The following CNTN5 variants were observed in gnomAD, a reference collection of about 807,000 sequenced individuals.
The protein encoded by CNTN5 is contactin-5.
CNTN5 carries 77 observed loss-of-function variants against 129.1 expected under a neutral mutation model. That is an observed-to-expected ratio of 0.60 (90% CI 0.50 to 0.72). The LOEUF (loss-of-function observed/expected upper bound fraction) is 0.72, where lower values mean the gene tolerates loss of function less well. Among genes scored for constraint, CNTN5 ranks in the 30% least tolerant of loss-of-function variants. The probability of loss-of-function intolerance (pLI) is 0.00; values close to 1 mark genes in which losing one functional copy is unlikely to be tolerated. For missense variants in CNTN5, 1,478 were observed against 1,328.8 expected (o/e 1.11, Z -1.75); for synonymous variants, 509 against 465.6 (o/e 1.09, Z -1.20).
rs149225372 is a variant in CNTN5, at chr11:99,116,857, G to C, written c.-210+95587G>C. On this transcript the variant is annotated intron_variant, in intron 1 of 24. Coordinates refer to ENST00000524871, the MANE Select transcript of CNTN5 (RefSeq NM_014361.4). ...TCTGTTGAATTTTAATTGCTCATAG[G>C]GCATCCAAGTAAATAGAGTAAGCTG... 5.8e-4 allele frequency among the ~76,000 whole-genome samples: 89 copies of C among 152,170 alleles called. 1 individual carries two copies. The East Asian group carries it at 0.017, about 29-fold the overall frequency.
At chr11:99,715,782 C>A (rs1162775387) in intron 3 of CNTN5, among the ~76,000 whole-genome samples, 2 of 151,790 alleles carry the variant, frequency 1.3e-5, no homozygotes, top group African/African-American at 4.8e-5. Flanking sequence ...GACTCATGAT[C>A]TCTTTATTCT....
intron 2 of CNTN5, among the ~76,000 whole-genome samples, chr11:99,472,999 A>G (rs1250987863): frequency 4.6e-5 from 7 of 152,148 alleles, no homozygotes; most frequent in Non-Finnish European, 1.0e-4. Context: ...TATGTCTGAC[A>G]CCTACTATAA....
At chr11:99,585,579 A>T (rs1288215119) in intron 3 of CNTN5, among the ~76,000 whole-genome samples, 1 of 152,154 alleles carries the variant, frequency 6.6e-6, no homozygotes, top group Non-Finnish European at 1.5e-5. Flanking sequence ...TTATTTTTTC[A>T]GTATTGATTT....
At chr11:99,316,731 CAAA>C (rs559211939) in intron 1 of CNTN5, among the ~76,000 whole-genome samples, 1 of 128,200 alleles carries the variant, frequency 7.8e-6, no homozygotes. Context: ...TGAACTGAGT[CAAA>C]AAAAAAAAAA....
chr11:99,585,727 T>C (rs1949771979), intron 3 of CNTN5, among the ~76,000 whole-genome samples: 1 of 152,104 alleles, frequency 6.6e-6, no homozygotes, highest in African/African-American at 2.4e-5. Flanking sequence ...TTAAATGGGA[T>C]CGTAGACACT....
At position 99,225,141 on chromosome 11, in the gene CNTN5, A is replaced by C. The variant is rs184140931; in HGVS notation, c.-209-100205A>C. ...TTAAAGAGAACGAGCACAAATAAAA[A>C]ATGAAAGAGGTGTTACAAATGTATG... On this transcript the variant is annotated intron_variant, in intron 1 of 24. Coordinates refer to ENST00000524871, the MANE Select transcript of CNTN5 (RefSeq NM_014361.4). 2.5e-3 allele frequency among the ~76,000 whole-genome samples: 377 copies of C among 152,308 alleles called. 2 individuals are homozygous for C. Among genetic ancestry groups the C allele is most frequent in the African/African-American group, 8.7e-3 (361 of 41,560 alleles).
chr11:100,292,732 T>C (rs574104649), intron 18 of CNTN5, among the ~76,000 whole-genome samples: 8 of 152,098 alleles, frequency 5.3e-5, no homozygotes, highest in African/African-American at 1.4e-4. Flanking sequence ...TACTTGTGCA[T>C]GTATGTATAT....
Position 99,694,840 on chromosome 11 carries a change from G to A in CNTN5, c.56-124704G>A, listed in dbSNP as rs569683882. 3.9e-5 allele frequency among the ~76,000 whole-genome samples: 6 copies of A among 152,180 alleles called. No homozygotes were observed. The East Asian group carries it at 1.2e-3, about 30-fold the overall frequency. The stretch of plus-strand genomic sequence containing the variant: ...ATATATGTTAAACACCAGACTAGAT[G>A]ATTTACTCACATGAACTGCGTCTCA... On this transcript the variant is annotated intron_variant, in intron 3 of 24. Transcript: ENST00000524871.
At chr11:100,275,455 G>A (rs1329050098) in intron 18 of CNTN5, among the ~76,000 whole-genome samples, 10 of 152,138 alleles carry the variant, frequency 6.6e-5, no homozygotes, top group African/African-American at 2.2e-4. Flanking sequence ...TTAAACAAAG[G>A]CAAAGATTAC....
chr11:99,734,930 G>C (rs1037479359), intron 3 of CNTN5, among the ~76,000 whole-genome samples: 25 of 152,176 alleles, frequency 1.6e-4, no homozygotes, highest in African/African-American at 2.9e-4. Context: ...ATGGCGTGAA[G>C]CCGGGAGGCG....
intron 3 of CNTN5, among the ~76,000 whole-genome samples, chr11:99,582,414 A>T (rs964977114): frequency 7.9e-5 from 12 of 152,198 alleles, no homozygotes; most frequent in African/African-American, 2.9e-4. Context: ...AATATCCTGC[A>T]GAGTGTTTTC....
chr11:100,161,873 A>ACACACACACACAC (rs1555025938), intron 13 of CNTN5, among the ~76,000 whole-genome samples: 16 of 120,282 alleles, frequency 1.3e-4, no homozygotes, highest in African/African-American at 3.7e-4. Flanking sequence ...ACACACACAC[A>ACACACACACACAC]AAACAAAAAA....
intron 1 of CNTN5, among the ~76,000 whole-genome samples, chr11:99,034,829 T>A (rs1434173721): frequency 1.3e-5 from 2 of 151,040 alleles, no homozygotes; most frequent in African/African-American, 4.9e-5. Context: ...ATGTGTTTGC[T>A]CTTGCTTTTC....
chr11:99,370,395 A>C (rs1351026007), intron 2 of CNTN5, among the ~76,000 whole-genome samples: 1 of 152,200 alleles, frequency 6.6e-6, no homozygotes, highest in Non-Finnish European at 1.5e-5. Context: ...CAATTGACTA[A>C]ATTGCTGAAA....
intron 3 of CNTN5, among the ~76,000 whole-genome samples, chr11:99,772,090 C>A (rs1263033858): frequency 6.7e-6 from 1 of 149,434 alleles, no homozygotes; most frequent in African/African-American, 2.5e-5. Flanking sequence ...TTTTTATCAA[C>A]AATGGAGTGC....
chr11:99,384,275 T>C (rs541492185), intron 2 of CNTN5, among the ~76,000 whole-genome samples: 2 of 152,216 alleles, frequency 1.3e-5, no homozygotes, highest in African/African-American at 4.8e-5. Flanking sequence ...ACAACTCCTG[T>C]AAATAATGCA....
chr11:100,294,142 G>A (rs1951055602), intron 18 of CNTN5, among the ~76,000 whole-genome samples: 1 of 151,542 alleles, frequency 6.6e-6, no homozygotes. Context: ...ATTTTTTAAT[G>A]AGTGGGGTAA....
chr11:100,070,408 G>A lies in CNTN5; in HGVS notation c.1163-16G>A. ...AGAAATGAAATCATCCTTGTTTACTGCTTACATACTTACAGCCTACCCACA... is the reference window on the plus strand; with the variant it reads ...AGAAATGAAATCATCCTTGTTTACTACTTACATACTTACAGCCTACCCACA... On this transcript the variant is annotated splice_polypyrimidine_tract_variant and intron_variant, in intron 10 of 24. Coordinates refer to ENST00000524871, the MANE Select transcript of CNTN5 (RefSeq NM_014361.4). The A allele has an allele frequency of 3.1e-6, 5 of 1,607,252 alleles. No homozygotes were observed. Among genetic ancestry groups the A allele is most frequent in the Non-Finnish European group, 4.3e-6 (5 of 1,176,042 alleles).
chr11:100,313,627 T>A (rs554775768), intron 21 of CNTN5, among the ~76,000 whole-genome samples: 1 of 151,730 alleles, frequency 6.6e-6, no homozygotes, highest in Non-Finnish European at 1.5e-5. Context: ...GCTGAAAACA[T>A]AGAGATGGCC....
Sources: gnomAD v4.1 joint callset for allele counts (sites outside exome capture counted in the v4.1 genomes callset) on GRCh38, gnomAD v4.1.1 for gene constraint, MANE v1.5 for transcripts, NCBI Gene and HGNC (gene_info 2026-07-23, HGNC 2026-07-21) for gene names.